ENTREP1: variants seen among roughly 807,000 people sequenced by gnomAD.
ENTREP1 encodes Friedreich ataxia region gene X123.
the ENTREP1 span, among the ~76,000 whole-genome samples, chr9:69,390,024 T>C: frequency 6.6e-6 from 1 of 152,196 alleles, no homozygotes; most frequent in Admixed American, 6.5e-5. Flanking sequence ...AGGAGACCAG[T>C]TATTTCTGAC....
At chr9:69,355,576 T>C in the ENTREP1 span, among the ~76,000 whole-genome samples, 3 of 152,202 alleles carry the variant, frequency 2.0e-5, no homozygotes, top group Admixed American at 1.3e-4. Flanking sequence ...ACTCCAATTA[T>C]CCATGACTGA....
chr9:69,343,233 T>C, the ENTREP1 span, among the ~76,000 whole-genome samples: 2 of 152,264 alleles, frequency 1.3e-5, no homozygotes, highest in Non-Finnish European at 2.9e-5. Context: ...TGTATCATGC[T>C]TACAAAACAG....
chr9:69,354,302 G>T, the ENTREP1 span, among the ~76,000 whole-genome samples: 1 of 123,460 alleles, frequency 8.1e-6, no homozygotes. Context: ...TGTCACCCAG[G>T]CTGGAGTGCA....
the ENTREP1 span, among the ~76,000 whole-genome samples, chr9:69,367,774 T>TAA: frequency 2.2e-5 from 2 of 89,884 alleles, no homozygotes; most frequent in African/African-American, 4.5e-5. Flanking sequence ...CACATATATA[T>TAA]AAATATATAT....
the ENTREP1 span, among the ~76,000 whole-genome samples, chr9:69,355,398 A>G: frequency 3.3e-5 from 5 of 152,326 alleles, no homozygotes; most frequent in East Asian, 9.6e-4. Context: ...AGAATATTTC[A>G]AATGTCACAG....
chr9:69,384,436 C>G, the ENTREP1 span, among the ~76,000 whole-genome samples: 1 of 152,152 alleles, frequency 6.6e-6, no homozygotes, highest in African/African-American at 2.4e-5. Context: ...ATTGATATTC[C>G]TGTGTTTTCT....
At chr9:69,336,621 G>T in the ENTREP1 span, among the ~76,000 whole-genome samples, 1 of 152,118 alleles carries the variant, frequency 6.6e-6, no homozygotes, top group Non-Finnish European at 1.5e-5. Context: ...CATCGCCCAG[G>T]TTCCATAATG....
At chr9:69,359,439 G>C in the ENTREP1 span, among the ~76,000 whole-genome samples, 1 of 152,158 alleles carries the variant, frequency 6.6e-6, no homozygotes, top group African/African-American at 2.4e-5. Flanking sequence ...ATTGAATCAT[G>C]GTGGCATTTT....
the ENTREP1 span, among the ~76,000 whole-genome samples, chr9:69,364,671 T>C: frequency 1.3e-5 from 2 of 152,178 alleles, no homozygotes; most frequent in Non-Finnish European, 1.5e-5. Context: ...TCCTGGAAGA[T>C]GATCCAACTT....
At chr9:69,364,748 C>CG in the ENTREP1 span, among the ~76,000 whole-genome samples, 3 of 152,124 alleles carry the variant, frequency 2.0e-5, no homozygotes, top group African/African-American at 7.2e-5. Context: ...GACCATTTGG[C>CG]TAAGTTTGAC....
chr9:69,370,552 A>G, the ENTREP1 span, among the ~76,000 whole-genome samples: 1 of 152,218 alleles, frequency 6.6e-6, no homozygotes, highest in African/African-American at 2.4e-5. Flanking sequence ...AAAGGAAAGA[A>G]GCCAAACTTC....
the ENTREP1 span, chr9:69,324,705 C>T: frequency 1.0e-6 from 1 of 983,938 alleles, no homozygotes; most frequent in Non-Finnish European, 1.2e-6. Context: ...GCTTACACCT[C>T]TTCCCATCGA....
the ENTREP1 span, among the ~76,000 whole-genome samples, chr9:69,373,333 G>T: frequency 6.6e-6 from 1 of 152,108 alleles, no homozygotes; most frequent in East Asian, 1.9e-4. Context: ...TGGGCAAGGG[G>T]TTGCTCTTCT....
the ENTREP1 span, among the ~76,000 whole-genome samples, chr9:69,361,460 C>T: frequency 2.6e-5 from 4 of 152,236 alleles, no homozygotes; most frequent in East Asian, 1.9e-4. Flanking sequence ...TATATGCATC[C>T]GTTGTTTGTT....
chr9:69,354,935 G>A, the ENTREP1 span, among the ~76,000 whole-genome samples: 2 of 152,054 alleles, frequency 1.3e-5, no homozygotes, highest in Non-Finnish European at 2.9e-5. Flanking sequence ...TCCCTCCTTT[G>A]AGATATTAGA....
chr9:69,345,421 C>G, the ENTREP1 span, among the ~76,000 whole-genome samples: 1 of 152,136 alleles, frequency 6.6e-6, no homozygotes, highest in South Asian at 2.1e-4. Context: ...AATACTTTAC[C>G]TCTCTGAGAC....
At chr9:69,359,546 C>T in the ENTREP1 span, among the ~76,000 whole-genome samples, 303 of 152,310 alleles carry the variant, frequency 2.0e-3, no homozygotes, top group Non-Finnish European at 3.2e-3. Flanking sequence ...CTCCTTCCTG[C>T]TACCTTGTGA....
chr9:69,372,532 A>C, the ENTREP1 span, among the ~76,000 whole-genome samples: 1 of 152,292 alleles, frequency 6.6e-6, no homozygotes, highest in African/African-American at 2.4e-5. Flanking sequence ...CCTTTTTAAG[A>C]CTATATAATA....
the ENTREP1 span, among the ~76,000 whole-genome samples, chr9:69,379,294 C>T: frequency 6.6e-6 from 1 of 152,212 alleles, no homozygotes; most frequent in Non-Finnish European, 1.5e-5. Flanking sequence ...TTTTCAGTGG[C>T]TTAGCTGCTG....
Sources: gnomAD v4.1 joint callset for allele counts (sites outside exome capture counted in the v4.1 genomes callset) on GRCh38, gnomAD v4.1.1 for gene constraint, MANE v1.5 for transcripts, NCBI Gene and HGNC (gene_info 2026-07-23, HGNC 2026-07-21) for gene names.